RARB: variants seen among roughly 807,000 people sequenced by gnomAD.
The protein encoded by RARB is retinoic acid receptor beta, also known as HBV-activated protein.
RARB carries 17 observed loss-of-function variants against 51.9 expected under a neutral mutation model. The observed-to-expected ratio is 0.33, with a 90% CI of 0.22 to 0.49. The LOEUF is 0.49. Ranked by LOEUF, RARB falls within the 20% of genes least tolerant of loss-of-function variation. The pLI is 0.99. For synonymous variants in RARB, 215 were observed against 195.4 expected, an observed-to-expected ratio of 1.10 and a Z score of -0.84; for missense variants, 369 against 550.8, an observed-to-expected ratio of 0.67 and a Z score of 3.30.
chr3:25,100,712 A>C (rs1343271742), intron 3 of RARB, among the ~76,000 whole-genome samples: 2 of 152,156 alleles, frequency 1.3e-5, no homozygotes, highest in Non-Finnish European at 2.9e-5. Context: ...GCTCCACAGA[A>C]ATTTTCATCC....
intron 5 of RARB, among the ~76,000 whole-genome samples, chr3:25,344,170 C>T (rs973269575): frequency 6.6e-6 from 1 of 152,174 alleles, no homozygotes; most frequent in African/African-American, 2.4e-5. Context: ...TTCATTTCTT[C>T]TTTCATGCAA....
intron 5 of RARB, among the ~76,000 whole-genome samples, chr3:25,343,985 G>A (rs1705311482): frequency 6.6e-6 from 1 of 152,118 alleles, no homozygotes; most frequent in South Asian, 2.1e-4. Context: ...CTGCCATCAT[G>A]GTCTCTAAAT....
intron 2 of RARB, among the ~76,000 whole-genome samples, chr3:24,934,693 T>G (rs536229168): frequency 6.6e-6 from 1 of 152,226 alleles, no homozygotes; most frequent in East Asian, 1.9e-4. Context: ...ATAAATAAAT[T>G]TTAATGTCTA....
intron 2 of RARB, among the ~76,000 whole-genome samples, chr3:24,869,483 T>C (rs1440669818): frequency 6.6e-6 from 1 of 152,114 alleles, no homozygotes; most frequent in South Asian, 2.1e-4. Context: ...ATATAAAAAA[T>C]AGACTAAAAC....
chr3:25,034,892 G>A (rs1181052103), intron 2 of RARB, among the ~76,000 whole-genome samples: 2 of 152,168 alleles, frequency 1.3e-5, no homozygotes, highest in Non-Finnish European at 2.9e-5. Context: ...ACTGCAGCTG[G>A]AGCTCAGTGG....
At chr3:25,031,345 A>G (rs1170809678) in intron 2 of RARB, among the ~76,000 whole-genome samples, 1 of 152,192 alleles carries the variant, frequency 6.6e-6, no homozygotes, top group Non-Finnish European at 1.5e-5. Context: ...AAGAAACAGA[A>G]ACATAGAGCA....
At chr3:24,894,475 A>G (rs965804145) in intron 2 of RARB, among the ~76,000 whole-genome samples, 1 of 152,124 alleles carries the variant, frequency 6.6e-6, no homozygotes, top group East Asian at 1.9e-4. Context: ...ATAATATTCC[A>G]TAGTGGATAT....
At chr3:25,510,657 T>A (rs554360054) in intron 3 of RARB, among the ~76,000 whole-genome samples, 1 of 152,240 alleles carries the variant, frequency 6.6e-6, no homozygotes, top group South Asian at 2.1e-4. Flanking sequence ...GTGGTTTGAT[T>A]TAACGTGTAT....
chr3:25,400,198 T>C (rs1344080279), intron 5 of RARB, among the ~76,000 whole-genome samples: 2 of 152,170 alleles, frequency 1.3e-5, no homozygotes, highest in Non-Finnish European at 2.9e-5. Flanking sequence ...CCTCTGTCCA[T>C]AGACAGGATC....
chr3:24,951,343 G>T (rs904902021), intron 2 of RARB, among the ~76,000 whole-genome samples: 1 of 152,140 alleles, frequency 6.6e-6, no homozygotes, highest in Admixed American at 6.5e-5. Flanking sequence ...TGCATCCAGA[G>T]CATGCAGAGA....
intron 5 of RARB, among the ~76,000 whole-genome samples, chr3:25,252,297 GTTC>G (rs1389297309): frequency 2.6e-5 from 4 of 152,054 alleles, no homozygotes; most frequent in Non-Finnish European, 5.9e-5. Context: ...CCCCAGCTAT[GTTC>G]TTCTTTTTGA....
intron 1 of RARB, among the ~76,000 whole-genome samples, chr3:24,837,099 C>T (rs1702354526): frequency 6.6e-6 from 1 of 152,036 alleles, no homozygotes; most frequent in South Asian, 2.1e-4. Flanking sequence ...ATATAGTTTA[C>T]CTCTTTGACC....
chr3:24,908,939 G>C (rs933015857), intron 2 of RARB, among the ~76,000 whole-genome samples: 2 of 151,994 alleles, frequency 1.3e-5, no homozygotes, highest in African/African-American at 4.8e-5. Flanking sequence ...ATGGCTAACG[G>C]AATCCTATTT....
intron 2 of RARB, among the ~76,000 whole-genome samples, chr3:24,953,032 C>T (rs1043244692): frequency 6.6e-6 from 1 of 152,144 alleles, no homozygotes. Flanking sequence ...AAACCCTTTG[C>T]TTGTTTAGTA....
At chr3:25,234,159 C>G (rs1222448433) in intron 5 of RARB, among the ~76,000 whole-genome samples, 1 of 152,050 alleles carries the variant, frequency 6.6e-6, no homozygotes, top group Non-Finnish European at 1.5e-5. Context: ...TAAATATTTT[C>G]TAGAATTTAC....
chr3:25,157,426 C>T (rs1268242323), intron 4 of RARB, among the ~76,000 whole-genome samples: 10 of 148,728 alleles, frequency 6.7e-5, no homozygotes, highest in African/African-American at 2.5e-4. Context: ...TTTTTTGAGA[C>T]AGTGTCTCAT....
chr3:25,235,200 T>G (rs1702274971), intron 5 of RARB, among the ~76,000 whole-genome samples: 1 of 152,170 alleles, frequency 6.6e-6, no homozygotes, highest in Admixed American at 6.5e-5. Flanking sequence ...CTGCAGTTGT[T>G]TACTTTTCAG....
intron 3 of RARB, among the ~76,000 whole-genome samples, chr3:25,548,235 G>A (rs1174025940): frequency 6.6e-6 from 1 of 151,730 alleles, no homozygotes; most frequent in Non-Finnish European, 1.5e-5. Flanking sequence ...GAAACTCTGA[G>A]GAAAATGTCA....
Position 25,060,407 on chromosome 3 carries a change from C to G in RARB, c.-328+231C>G, listed in dbSNP as rs113102362. On this transcript the variant is annotated intron_variant, in intron 3 of 11. Transcript: ENST00000383772. ...AGAGATAGAATGTCTTATTTTCTCT[C>G]TGCTAACACGTGGATGGTATAGAGC... Among the ~76,000 whole-genome samples, 281 of 151,848 alleles carry G rather than the reference C, an allele frequency of 1.9e-3. 2 individuals are homozygous for G. Among genetic ancestry groups the G allele is most frequent in the African/African-American group, 6.4e-3 (265 of 41,474 alleles).
Sources: allele counts gnomAD v4.1 joint callset (sites outside exome capture counted in the v4.1 genomes callset), GRCh38; gene constraint gnomAD v4.1.1; transcripts MANE v1.5; gene names NCBI Gene and HGNC (gene_info 2026-07-23, HGNC 2026-07-21).